The following XKR9 variants were observed in gnomAD, a reference collection of about 807,000 sequenced individuals.
XKR9 encodes the protein XK-related protein 9.
A neutral mutation model predicts 32.0 loss-of-function variants in XKR9; 32 were observed. The ratio of observed to expected loss-of-function variants is 1.00; its 90% CI spans 0.76 to 1.34. The LOEUF (loss-of-function observed/expected upper bound fraction) is 1.34, where lower values mean the gene tolerates loss of function less well. Among genes scored for constraint, XKR9 ranks in the 40% most tolerant of loss-of-function variants. The probability of loss-of-function intolerance (pLI) is 0.00; values close to 1 mark genes in which losing one functional copy is unlikely to be tolerated. For missense variants in XKR9, 546 were observed against 429.7 expected, an observed-to-expected ratio of 1.27 and a Z score of -2.39; for synonymous variants, 168 against 143.4, an observed-to-expected ratio of 1.17 and a Z score of -1.22.
At chr8:70,767,297 G>A (rs765203233) in intron 2 of XKR9, among the ~76,000 whole-genome samples, 15 of 152,080 alleles carry the variant, frequency 9.9e-5, no homozygotes, top group Non-Finnish European at 1.9e-4. Flanking sequence ...GGTTTATTCA[G>A]GGATTTGACT....
rs71566233 is a variant in XKR9 at position 70,690,500 on chromosome 8, GT to G, written c.272+9185del. Among the ~76,000 whole-genome samples, 624 of 140,716 alleles carry G rather than the reference GT, an allele frequency of 4.4e-3. 5 individuals are homozygous for G. Among genetic ancestry groups the G allele is most frequent in the African/African-American group, 0.014 (531 of 38,190 alleles). 92.3% of individuals were successfully genotyped at this position (140,716 alleles called of 152,430 possible). ...AGGCACATGCTGCTATGCCCAGCTA[GT>G]TTTTTTTTTTTTTTGTATTTAGTAG... is the stretch of plus-strand genomic sequence containing the variant. On this transcript the variant is annotated intron_variant, in intron 3 of 4. Coordinates refer to ENST00000408926, the MANE Select transcript of XKR9 (RefSeq NM_001011720.2).
At chr8:70,898,219 T>G in the XKR9 span, among the ~76,000 whole-genome samples, 1 of 152,230 alleles carries the variant, frequency 6.6e-6, no homozygotes, top group African/African-American at 2.4e-5. Flanking sequence ...ATGAGTTCAC[T>G]GTAACTGTTA....
At chr8:70,949,262 A>G in the XKR9 span, among the ~76,000 whole-genome samples, 2 of 152,144 alleles carry the variant, frequency 1.3e-5, no homozygotes, top group African/African-American at 4.8e-5. Context: ...CCGTTGCTAA[A>G]TAAGCTCTTT....
intron 2 of XKR9, among the ~76,000 whole-genome samples, chr8:70,786,617 A>G (rs1807692105): frequency 1.3e-5 from 2 of 152,086 alleles, no homozygotes; most frequent in Admixed American, 6.6e-5. Context: ...TTCCACTTGC[A>G]TGGAATGTCT....
chr8:70,702,189 A>T (rs1157486081), intron 3 of XKR9, among the ~76,000 whole-genome samples: 2 of 152,146 alleles, frequency 1.3e-5, no homozygotes, highest in Non-Finnish European at 2.9e-5. Context: ...TTCAATATTT[A>T]TAAAACTTTA....
At chr8:70,923,666 T>TACTTCCCA in the XKR9 span, among the ~76,000 whole-genome samples, 1 of 152,234 alleles carries the variant, frequency 6.6e-6, no homozygotes, top group Non-Finnish European at 1.5e-5. Flanking sequence ...TCCTCTGACA[T>TACTTCCCA]ACTTCCCATC....
intron 2 of XKR9, among the ~76,000 whole-genome samples, chr8:70,757,504 AT>A (rs1277095964): frequency 1.3e-5 from 2 of 151,936 alleles, no homozygotes; most frequent in African/African-American, 4.8e-5. Flanking sequence ...GGTATTCTCT[AT>A]TTGGTATAAT....
At chr8:71,028,499 A>G in the XKR9 span, among the ~76,000 whole-genome samples, 2 of 152,120 alleles carry the variant, frequency 1.3e-5, no homozygotes, top group Admixed American at 1.3e-4. Flanking sequence ...GAGAAAGGGA[A>G]TGGGGAGTTG....
the XKR9 span, among the ~76,000 whole-genome samples, chr8:71,025,721 A>G: frequency 6.6e-6 from 1 of 152,178 alleles, no homozygotes; most frequent in Admixed American, 6.5e-5. Context: ...GAATTCTGAA[A>G]TCACTGTCAT....
the XKR9 span, among the ~76,000 whole-genome samples, chr8:70,972,413 A>G: frequency 0.56 from 85,718 of 151,936 alleles, 25,190 homozygotes; most frequent in African/African-American, 0.62. Context: ...TCAGCAGACA[A>G]TGATGGTTTG....
the XKR9 span, among the ~76,000 whole-genome samples, chr8:70,938,972 CTTT>C: frequency 7.0e-6 from 1 of 143,232 alleles, no homozygotes; most frequent in African/African-American, 2.5e-5. Context: ...TAGAGGTGGG[CTTT>C]TTTTTTTTTT....
At chr8:71,033,524 T>C in the XKR9 span, among the ~76,000 whole-genome samples, 4 of 152,110 alleles carry the variant, frequency 2.6e-5, no homozygotes, top group African/African-American at 9.7e-5. Flanking sequence ...AAATTTTATC[T>C]CCAATGTGGC....
At chr8:70,760,655 T>C (rs1287946971) in intron 2 of XKR9, among the ~76,000 whole-genome samples, 1 of 152,208 alleles carries the variant, frequency 6.6e-6, no homozygotes, top group African/African-American at 2.4e-5. Flanking sequence ...ATGTGTATAA[T>C]TCAAGTACAT....
At chr8:70,792,421 T>C (rs893013183), downstream of XKR9, among the ~76,000 whole-genome samples, 13 of 152,196 alleles carry the variant, frequency 8.5e-5, 1 homozygote, top group African/African-American at 2.9e-4. Flanking sequence ...AAGTCTTCCC[T>C]GAGGAAATGA....
At chr8:71,027,490 ATG>A in the XKR9 span, among the ~76,000 whole-genome samples, 37 of 114,826 alleles carry the variant, frequency 3.2e-4, no homozygotes, top group South Asian at 1.9e-3. Flanking sequence ...AGAAATATAT[ATG>A]TGTGTGTATA....
the XKR9 span, among the ~76,000 whole-genome samples, chr8:70,808,661 A>G: frequency 6.6e-6 from 1 of 152,218 alleles, no homozygotes; most frequent in East Asian, 1.9e-4. Flanking sequence ...CCTGTGCATG[A>G]CTTGGAGGGT....
chr8:70,803,236 T>C, the XKR9 span, among the ~76,000 whole-genome samples: 5 of 152,222 alleles, frequency 3.3e-5, no homozygotes, highest in South Asian at 4.1e-4. Context: ...TCATTTCTGC[T>C]GTTAATATTT....
downstream of XKR9, among the ~76,000 whole-genome samples, chr8:70,792,715 G>A (rs1434628545): frequency 6.6e-6 from 1 of 152,048 alleles, no homozygotes; most frequent in Admixed American, 6.6e-5. Flanking sequence ...AAGGCTTCAA[G>A]GAGGGAATGG....
the XKR9 span, among the ~76,000 whole-genome samples, chr8:70,803,066 C>T: frequency 6.6e-6 from 1 of 152,218 alleles, no homozygotes; most frequent in Non-Finnish European, 1.5e-5. Flanking sequence ...CTTGCTTTCT[C>T]TCCCTCTCTT....
Sources: gnomAD v4.1 joint callset for allele counts (sites outside exome capture counted in the v4.1 genomes callset) on GRCh38, gnomAD v4.1.1 for gene constraint, MANE v1.5 for transcripts, NCBI Gene and HGNC (gene_info 2026-07-23, HGNC 2026-07-21) for gene names.